DCBLD1: variants seen among roughly 807,000 people sequenced by gnomAD.
DCBLD1 encodes the protein discoidin, CUB and LCCL domain-containing protein 1.
DCBLD1 carries 57 observed loss-of-function variants against 71.5 expected under a neutral mutation model. That is an observed-to-expected ratio of 0.80 (90% CI 0.64 to 0.99). The LOEUF is 0.99. DCBLD1 is among the 50% of genes least tolerant of loss of function. DCBLD1 has a pLI of 0.00. For synonymous variants in DCBLD1, 380 were observed against 363.8 expected, an observed-to-expected ratio of 1.04 and a Z score of -0.51; for missense variants, 891 against 923.5, an observed-to-expected ratio of 0.96 and a Z score of 0.46.
Position 117,548,295 on chromosome 6 carries a change from C to G in DCBLD1, c.2004C>G (p.Pro668=). 6.4e-6 allele frequency: 10 copies of G among 1,550,674 alleles called. No homozygotes were observed. The highest frequency in any genetic ancestry group is 7.8e-6 in the Non-Finnish European group (9 of 1,146,996). ...CTGCGGACAGGGGCTACGACCGGCC[C>G]AAAGCTGTCAGCGCCCTCGCCACCG... ...AQPADRGYDR[P]KAVSALATES... Residue 668 remains proline, a synonymous_variant, in exon 15 of 15, where the codon CCC becomes CCG. Transcript: ENST00000338728.
chr6:117,484,058 T>C (rs1017702357), intron 1 of DCBLD1, among the ~76,000 whole-genome samples: 2 of 152,228 alleles, frequency 1.3e-5, no homozygotes, highest in African/African-American at 4.8e-5. Flanking sequence ...GATTGTAAAA[T>C]TGTAATAAAT....
intron 6 of DCBLD1, among the ~76,000 whole-genome samples, chr6:117,535,602 T>C (rs1438773445): frequency 1.3e-5 from 2 of 152,184 alleles, no homozygotes; most frequent in South Asian, 2.1e-4. Flanking sequence ...GAAGTAGAGC[T>C]TTTCCTGGTT....
chr6:117,566,351 G>A (rs1266756863), intron 14 of DCBLD1, among the ~76,000 whole-genome samples: 1 of 152,162 alleles, frequency 6.6e-6, no homozygotes, highest in East Asian at 1.9e-4. Context: ...AAAAGGAAGT[G>A]CTAGAGTTTT....
At chr6:117,546,586 T>C (rs114257728) in intron 14 of DCBLD1, among the ~76,000 whole-genome samples, 71 of 152,296 alleles carry the variant, frequency 4.7e-4, no homozygotes, top group African/African-American at 1.7e-3. Context: ...TTCTGTTGTC[T>C]TATGCCTTTC....
At chr6:117,501,905 A>C (rs1003254728) in intron 1 of DCBLD1, among the ~76,000 whole-genome samples, 2 of 152,170 alleles carry the variant, frequency 1.3e-5, no homozygotes, top group Admixed American at 1.3e-4. Context: ...TTTGCTGTCT[A>C]TATTGGCCTC....
intron 11 of DCBLD1, among the ~76,000 whole-genome samples, chr6:117,541,827 T>G (rs922407565): frequency 5.9e-5 from 9 of 152,212 alleles, no homozygotes; most frequent in African/African-American, 2.2e-4. Flanking sequence ...GCATATATTT[T>G]TCATTTAACA....
chr6:117,487,210 G>A (rs61655408), intron 1 of DCBLD1, among the ~76,000 whole-genome samples: 21,439 of 152,030 alleles, frequency 0.14, 1,648 homozygotes, highest in African/African-American at 0.17. Context: ...AGGTCTATGA[G>A]TTTTGTGCCT....
intron 1 of DCBLD1, among the ~76,000 whole-genome samples, chr6:117,495,638 G>A (rs1030639885): frequency 2.0e-5 from 3 of 152,088 alleles, no homozygotes; most frequent in Admixed American, 6.5e-5. Flanking sequence ...CAAGTATATG[G>A]AAATAATTTA....
Position 117,543,141 on chromosome 6 carries a change from G to C in DCBLD1, c.1375G>C (p.Val459Leu), listed in dbSNP as rs1181183068. ...ETSTGINITT[V>L]AIPLVLLVVL... is the part of the protein sequence containing the mutation. The stretch of plus-strand genomic sequence containing the variant: ...TTCTTTAGGAATAAACATTACAACG[G>C]TGGCTATTCCATTGGTGCTCCTTGT... The change falls in exon 12 of 15, where the codon GTG (valine) becomes CTG (leucine). Residue 459 changes from valine (V) to leucine (L), a missense_variant. Val to Leu is a conservative substitution (Grantham distance 32). Transcript: ENST00000338728. 4 of 1,614,094 alleles carry C rather than the reference G, an allele frequency of 2.5e-6. No homozygotes were observed. The highest frequency in any genetic ancestry group is 3.4e-6 in the Non-Finnish European group (4 of 1,179,980).
chr6:117,537,949 T>C (rs11153672), intron 7 of DCBLD1, among the ~76,000 whole-genome samples: 75,316 of 151,918 alleles, frequency 0.5, 20,319 homozygotes, highest in South Asian at 0.69. Context: ...CTTTCAAATA[T>C]TGCAATTGGT....
At chr6:117,563,119 GA>G in intron 14 of DCBLD1, 1 of 729,656 alleles carries the variant, frequency 1.4e-6, no homozygotes, top group South Asian at 1.8e-5. Flanking sequence ...TTGTTCACAT[GA>G]AGCCCTGAGG....
intron 2 of DCBLD1, among the ~76,000 whole-genome samples, chr6:117,509,591 T>C (rs773701088): frequency 1.5e-4 from 23 of 152,200 alleles, no homozygotes; most frequent in Non-Finnish European, 2.8e-4. Flanking sequence ...TCTGCCCCTC[T>C]ACTTTACTCT....
intron 2 of DCBLD1, among the ~76,000 whole-genome samples, chr6:117,505,869 G>C (rs1050898456): frequency 6.6e-6 from 1 of 152,134 alleles, no homozygotes; most frequent in African/African-American, 2.4e-5. Flanking sequence ...AGCTTGCAAG[G>C]TGATCATGGT....
At chr6:117,553,001 C>T (rs1052294561), downstream of DCBLD1, among the ~76,000 whole-genome samples, 3 of 152,092 alleles carry the variant, frequency 2.0e-5, no homozygotes, top group Non-Finnish European at 4.4e-5. Context: ...CCAGGAGCCC[C>T]GAACCATGAG....
intron 4 of DCBLD1, 72 bp downstream of exon 4, chr6:117,521,648 A>G: frequency 7.7e-7 from 1 of 1,306,316 alleles, no homozygotes. Flanking sequence ...ACGTTAAACC[A>G]GATACGTTTG....
In DCBLD1 at chr6:117,548,717, T is replaced by C. The variant is rs190476023; in HGVS notation, c.*278T>C. On this transcript the variant is annotated 3_prime_UTR_variant, in exon 15 of 15. Transcript: ENST00000338728. The stretch of plus-strand genomic sequence containing the variant: ...GGCGTTTTCATTCCTCTGACTGATA[T>C]TGAGCTGCTTTGGTGTTAAAGGTGT... The C allele has an allele frequency of 1.2e-4, 168 of 1,366,512 alleles. No homozygotes were observed. The highest frequency in any genetic ancestry group is 7.2e-4 in the African/African-American group (49 of 68,198). 84.6% of individuals were successfully genotyped at this position (1,366,512 alleles called of 1,614,324 possible).
chr6:117,561,706 G>A (rs762101648), intron 14 of DCBLD1: 7 of 203,668 alleles, frequency 3.4e-5, no homozygotes, highest in Admixed American at 6.0e-5. Flanking sequence ...GTATTTTAAT[G>A]TCAGTAACAA....
At chr6:117,528,847 T>G (rs1010362074) in intron 5 of DCBLD1, among the ~76,000 whole-genome samples, 2 of 152,208 alleles carry the variant, frequency 1.3e-5, no homozygotes, top group African/African-American at 4.8e-5. Context: ...CGTTGTTTTT[T>G]GTTTGTTTTT....
intron 2 of DCBLD1, among the ~76,000 whole-genome samples, chr6:117,505,387 C>T (rs1045941567): frequency 6.6e-6 from 1 of 152,100 alleles, no homozygotes; most frequent in Non-Finnish European, 1.5e-5. Context: ...GTCAGAGCTG[C>T]AGTGTGAAAA....
Sources: allele counts gnomAD v4.1 joint callset (sites outside exome capture counted in the v4.1 genomes callset), GRCh38; gene constraint gnomAD v4.1.1; transcripts MANE v1.5; gene names NCBI Gene and HGNC (gene_info 2026-07-23, HGNC 2026-07-21).